Variants in PLCE1 observed in about 807,000 individuals in gnomAD.
PLCE1 encodes the protein 1-phosphatidylinositol 4,5-bisphosphate phosphodiesterase epsilon-1.
A neutral mutation model predicts 242.8 loss-of-function variants in PLCE1; 119 were observed. The observed-to-expected ratio is 0.49, with a 90% CI of 0.42 to 0.57. The LOEUF is 0.57. Among genes scored for constraint, PLCE1 ranks in the 20% least tolerant of loss-of-function variants. The pLI, the probability that PLCE1 is intolerant of heterozygous loss-of-function variation, is 0.00. For missense variants in PLCE1, 2,441 were observed against 2,788.8 expected (o/e 0.88, Z 2.81); for synonymous variants, 945 against 1,017.4 (o/e 0.93, Z 1.35).
At chr10:94,036,683 A>C (rs532911207) in intron 2 of PLCE1, among the ~76,000 whole-genome samples, 1 of 152,300 alleles carries the variant, frequency 6.6e-6, no homozygotes, top group African/African-American at 2.4e-5. Context: ...AAAGTCTCCA[A>C]GCTAAAGATT....
chr10:94,173,208 A>G (rs2048035003), intron 4 of PLCE1, among the ~76,000 whole-genome samples: 2 of 152,154 alleles, frequency 1.3e-5, no homozygotes, highest in Non-Finnish European at 2.9e-5. Context: ...TGGGCTTTGA[A>G]TAACTATAGG....
At chr10:94,288,997 C>G (rs1172666872) in intron 22 of PLCE1, among the ~76,000 whole-genome samples, 1 of 152,162 alleles carries the variant, frequency 6.6e-6, no homozygotes, top group Non-Finnish European at 1.5e-5. Context: ...GGCCATCCCC[C>G]ATGGCTGTTC....
At chr10:94,093,964 C>CG (rs1258850152) in intron 2 of PLCE1, among the ~76,000 whole-genome samples, 2 of 75,934 alleles carry the variant, frequency 2.6e-5, no homozygotes, top group Non-Finnish European at 4.4e-5. Flanking sequence ...TTTTTTGAGA[C>CG]GGAGTCTCGC....
chr10:94,014,558 T>G (rs1273075599), intron 1 of PLCE1, among the ~76,000 whole-genome samples: 5 of 152,194 alleles, frequency 3.3e-5, no homozygotes, highest in African/African-American at 1.2e-4. Context: ...TAAGTACATT[T>G]ACATTGTTTT....
chr10:94,306,315 G>A lies in PLCE1; in HGVS notation c.5623-112G>A. On this transcript the variant is annotated intron_variant, in intron 25 of 32. Transcript: ENST00000371380. The surrounding 1 kb of genome is among the most constrained non-coding windows in gnomAD (Gnocchi z 5.7). ...AACAGTTTTATTCATCATTCACTTT[G>A]TCCATTCCAGTGTTCTTGGGATTCC... 6.4e-7 allele frequency: 1 copy of A among 1,555,992 alleles called. No homozygotes were observed. Among genetic ancestry groups the A allele is most frequent in the Non-Finnish European group, 8.9e-7 (1 of 1,128,674 alleles).
At chr10:94,080,454 A>G (rs1366756505) in intron 2 of PLCE1, among the ~76,000 whole-genome samples, 1 of 152,218 alleles carries the variant, frequency 6.6e-6, no homozygotes, top group East Asian at 1.9e-4. Context: ...ATGAGATTGG[A>G]CATGCTATTA....
Position 94,132,179 on chromosome 10 carries a change from C to T in PLCE1, c.1212C>T (p.Tyr404=), listed in dbSNP as rs61751492. The T allele has an allele frequency of 6.2e-7, 1 of 1,613,160 alleles. No homozygotes were observed. Among genetic ancestry groups the T allele is most frequent in the Non-Finnish European group, 8.5e-7 (1 of 1,179,140 alleles). The change falls in exon 3 of 33, where the codon TAC becomes TAT. Residue 404 remains tyrosine (Y), a synonymous_variant. Coordinates refer to ENST00000371380, the MANE Select transcript of PLCE1 (RefSeq NM_016341.4). ...RLSEAQWYPI[Y]NAVRREETEN... ...GTACTTTGTGCTATTCACAGATCTACAATGCAGTGAGAAGAGAAGAAACAG... is the reference window on the plus strand; with the variant it reads ...GTACTTTGTGCTATTCACAGATCTATAATGCAGTGAGAAGAGAAGAAACAG...
intron 2 of PLCE1, among the ~76,000 whole-genome samples, chr10:94,051,985 T>G (rs1437375888): frequency 6.6e-6 from 1 of 152,246 alleles, no homozygotes; most frequent in Non-Finnish European, 1.5e-5. Context: ...GGTTTCACAC[T>G]TTCCTGTGAA....
chr10:94,024,115 C>T (rs141471100), intron 1 of PLCE1, among the ~76,000 whole-genome samples: 730 of 152,264 alleles, frequency 4.8e-3, no homozygotes, highest in Non-Finnish European at 7.8e-3. Flanking sequence ...AATCCATGTG[C>T]ACCGTGTGCA....
chr10:94,096,105 T>C (rs2045298627), intron 2 of PLCE1, among the ~76,000 whole-genome samples: 1 of 152,168 alleles, frequency 6.6e-6, no homozygotes, highest in Non-Finnish European at 1.5e-5. Context: ...ACCCCAGTTC[T>C]CCTTACCCTC....
At chr10:94,015,051 A>C (rs2061252693) in intron 1 of PLCE1, among the ~76,000 whole-genome samples, 1 of 152,218 alleles carries the variant, frequency 6.6e-6, no homozygotes, top group Admixed American at 6.5e-5. Context: ...TCACTGTATG[A>C]CTTAATCTGT....
At chr10:94,057,625 T>C (rs1008785960) in intron 2 of PLCE1, among the ~76,000 whole-genome samples, 4 of 152,354 alleles carry the variant, frequency 2.6e-5, no homozygotes, top group African/African-American at 9.6e-5. Context: ...CGAAACTGTG[T>C]CCTTTGCTAA....
chr10:94,085,043 G>C (rs1032765006), intron 2 of PLCE1, among the ~76,000 whole-genome samples: 1 of 152,160 alleles, frequency 6.6e-6, no homozygotes, highest in Non-Finnish European at 1.5e-5. Flanking sequence ...CCCCTAGTGA[G>C]TATGAAATTA....
intron 4 of PLCE1, among the ~76,000 whole-genome samples, chr10:94,188,399 T>C (rs1370008205): frequency 6.6e-6 from 1 of 152,186 alleles, no homozygotes; most frequent in Non-Finnish European, 1.5e-5. Context: ...TCAACTAATG[T>C]GCACATTTAC....
intron 2 of PLCE1, among the ~76,000 whole-genome samples, chr10:94,115,918 C>T (rs2046112223): frequency 6.6e-6 from 1 of 152,164 alleles, no homozygotes; most frequent in Non-Finnish European, 1.5e-5. Context: ...GCCTGCCTTC[C>T]AGCCATCCTT....
Position 94,234,053 on chromosome 10 carries a change from G to A in PLCE1, c.1956-1G>A, listed in dbSNP as rs758752352. 1.9e-6 allele frequency: 3 copies of A among 1,612,962 alleles called. No homozygotes were observed. Among genetic ancestry groups the A allele is most frequent in the Non-Finnish European group, 2.5e-6 (3 of 1,179,006 alleles). On this transcript the variant is annotated splice_acceptor_variant, in intron 5 of 32. Coordinates refer to ENST00000371380, the MANE Select transcript of PLCE1 (RefSeq NM_016341.4). LOFTEE classifies it high-confidence loss of function. ...TGAAAAATGTCATTTACTTGCAATA[G>A]GTCAAGAAAAGTTTTAAAAATGTGG...
chr10:94,302,633 G>C (rs1158658395), intron 24 of PLCE1, among the ~76,000 whole-genome samples: 1 of 152,118 alleles, frequency 6.6e-6, no homozygotes, highest in East Asian at 1.9e-4. Context: ...TTAAGATTGG[G>C]AACAATGGGT....
chr10:94,324,646 GTGAAA>G (rs2053942343), intron 31 of PLCE1, 79 bp downstream of exon 31: 1 of 1,244,044 alleles, frequency 8.0e-7, no homozygotes, highest in African/African-American at 1.5e-5. Context: ...CTGGAAGCTG[GTGAAA>G]TTTAGGAGAA....
At chr10:94,165,247 G>T (rs1467915607) in intron 3 of PLCE1, among the ~76,000 whole-genome samples, 3 of 152,188 alleles carry the variant, frequency 2.0e-5, no homozygotes, top group Admixed American at 2.0e-4. Flanking sequence ...ACACAGGCAG[G>T]CAGGCCTCCT....
Sources: allele counts gnomAD v4.1 joint callset (sites outside exome capture counted in the v4.1 genomes callset), GRCh38; gene constraint gnomAD v4.1.1; non-coding constraint Gnocchi (gnomAD v3.1); transcripts MANE v1.5; gene names NCBI Gene and HGNC (gene_info 2026-07-23, HGNC 2026-07-21).